PALD1: variants seen among roughly 807,000 people sequenced by gnomAD.
The protein encoded by PALD1 is phosphatase domain containing paladin 1.
In PALD1, 57 loss-of-function variants were observed where a neutral mutation model predicts 96.0. That is an observed-to-expected ratio of 0.59 (90% CI 0.48 to 0.74). PALD1 has a LOEUF of 0.74. PALD1 is among the 30% of genes least tolerant of loss of function. The pLI is 0.00. For synonymous variants in PALD1, 464 were observed against 473.6 expected (o/e 0.98, Z 0.26); for missense variants, 1,063 against 1,143.7 (o/e 0.93, Z 1.02).
At chr10:70,472,533 T>C in the PALD1 span, among the ~76,000 whole-genome samples, 1 of 152,124 alleles carries the variant, frequency 6.6e-6, no homozygotes, top group Admixed American at 6.5e-5. Context: ...AGTGCTGGGA[T>C]TACAGGTGTG....
chr10:70,483,741 G>C (rs921304006), intron 1 of PALD1, among the ~76,000 whole-genome samples: 1 of 152,234 alleles, frequency 6.6e-6, no homozygotes, highest in African/African-American at 2.4e-5. Flanking sequence ...AAGCACAGAA[G>C]GGACTTCTCC....
At chr10:70,506,521 A>C (rs140172000) in intron 1 of PALD1, among the ~76,000 whole-genome samples, 1 of 152,176 alleles carries the variant, frequency 6.6e-6, no homozygotes, top group Non-Finnish European at 1.5e-5. Context: ...AGTCCAGTAC[A>C]TGTTACCTGC....
chr10:70,482,954 G>T (rs1465378482), intron 1 of PALD1, among the ~76,000 whole-genome samples: 4 of 152,164 alleles, frequency 2.6e-5, no homozygotes, highest in Non-Finnish European at 5.9e-5. Context: ...CCAGTTGGTG[G>T]GAAGGGACCA....
chr10:70,484,919 G>A (rs761241750), intron 1 of PALD1, among the ~76,000 whole-genome samples: 7 of 152,188 alleles, frequency 4.6e-5, no homozygotes, highest in African/African-American at 7.2e-5. Context: ...GTATTGCTAA[G>A]CATCCCCCAT....
intron 3 of PALD1, among the ~76,000 whole-genome samples, 169 bp downstream of exon 3, chr10:70,529,500 A>T (rs56017067): frequency 0.16 from 23,976 of 151,590 alleles, 2,280 homozygotes; most frequent in Middle Eastern, 0.27. Context: ...CCTCTGGTTG[A>T]TTCCTGGTGC....
Position 70,537,898 on chromosome 10 carries a change from C to A in PALD1, c.1315C>A (p.His439Asn). Residue 439 changes from histidine (H) to asparagine (N), a missense_variant, in exon 11 of 20, where the codon CAT becomes AAT. Transcript: ENST00000263563. ...FYLILFNYYL[H>N]EQYPLAFALS... ...CCTGATCCTGTTTAACTACTACCTT[C>A]ATGAGCAGGTGGGGCCTGGGAGGAG... is the stretch of plus-strand genomic sequence containing the variant. 3 of 1,610,034 alleles carry A rather than the reference C, an allele frequency of 1.9e-6. No individual in the cohort carries two copies. Among genetic ancestry groups the A allele is most frequent in the Non-Finnish European group, 2.6e-6 (3 of 1,176,344 alleles).
Sources: gnomAD v4.1 joint callset for allele counts (sites outside exome capture counted in the v4.1 genomes callset) on GRCh38, gnomAD v4.1.1 for gene constraint, MANE v1.5 for transcripts, NCBI Gene and HGNC (gene_info 2026-07-23, HGNC 2026-07-21) for gene names.